ST18: variants seen among roughly 807,000 people sequenced by gnomAD.
ST18 encodes the protein ST18 C2H2C-type zinc finger transcription factor.
A neutral mutation model predicts 110.0 loss-of-function variants in ST18; 50 were observed. The ratio of observed to expected loss-of-function variants is 0.45; its 90% CI spans 0.36 to 0.58. The LOEUF is 0.58. Ranked by LOEUF, ST18 falls within the 20% of genes least tolerant of loss-of-function variation. The probability of loss-of-function intolerance (pLI) is 0.00; values close to 1 mark genes in which losing one functional copy is unlikely to be tolerated. For missense variants in ST18, 1,306 were observed against 1,280.1 expected, an observed-to-expected ratio of 1.02 and a Z score of -0.31; for synonymous variants, 461 against 452.4, an observed-to-expected ratio of 1.02 and a Z score of -0.24.
chr8:52,121,676 T>A (rs2044869723), intron 23 of ST18, among the ~76,000 whole-genome samples: 1 of 151,424 alleles, frequency 6.6e-6, no homozygotes, highest in South Asian at 2.1e-4. Context: ...GGTTCCAGAA[T>A]ATGTTCTTTT....
At chr8:52,385,782 T>C (rs138370464) in intron 2 of ST18, among the ~76,000 whole-genome samples, 1 of 152,160 alleles carries the variant, frequency 6.6e-6, no homozygotes, top group Non-Finnish European at 1.5e-5. Context: ...TAATCACTAT[T>C]TGCATGGATT....
chr8:52,111,013 G>A lies in ST18; in HGVS notation c.*2185C>T, dbSNP rs2040401118. On this transcript the variant is annotated 3_prime_UTR_variant, in exon 26 of 26. Coordinates refer to ENST00000689386, the MANE Select transcript of ST18 (RefSeq NM_001352837.2). ...TTGTTTACAAAAGACCCAATTTACA[G>A]TATTGATCATTAACATAGTTGAAAA... The A allele has an allele frequency of 2.5e-6, 1 of 398,668 alleles. No homozygotes were observed. Among genetic ancestry groups the A allele is most frequent in the East Asian group, 3.6e-5 (1 of 28,006 alleles). The allele number at this position is 398,668 out of a possible 1,614,324, so 24.7% of individuals were successfully genotyped here. A position where few individuals can be genotyped will look rare whatever the true frequency, so the allele number is the denominator to read the frequency against.
rs1229212754 is a variant in ST18, at chr8:52,381,977, A to AAC, written c.-465+27350_-465+27351insGT. ...AGCTATATGCTGCATTAAAAAACAA[A>AAC]AAAAAACAAAAAAACAAAGTTACAG... On this transcript the variant is annotated intron_variant, in intron 2 of 25. Transcript: ENST00000689386. 4.6e-4 allele frequency among the ~76,000 whole-genome samples: 69 copies of AAC among 151,086 alleles called. 2 individuals carry two copies. Among genetic ancestry groups the AAC allele is most frequent in the African/African-American group, 1.6e-3 (66 of 40,730 alleles).
At chr8:52,136,304 C>G (rs1278022068) in intron 19 of ST18, among the ~76,000 whole-genome samples, 1 of 152,178 alleles carries the variant, frequency 6.6e-6, no homozygotes, top group Non-Finnish European at 1.5e-5. Context: ...TGATTTAATA[C>G]ATAGACTGTG....
chr8:52,316,671 A>G (rs914639830), intron 2 of ST18, among the ~76,000 whole-genome samples: 4 of 152,240 alleles, frequency 2.6e-5, no homozygotes, highest in South Asian at 4.1e-4. Context: ...CTAAGTCACT[A>G]TCACCTATGT....
intron 2 of ST18, among the ~76,000 whole-genome samples, chr8:52,296,847 G>C (rs1001447393): frequency 3.9e-5 from 6 of 152,016 alleles, no homozygotes; most frequent in African/African-American, 1.5e-4. Context: ...GTCTAGTACA[G>C]GAACTAAGAC....
At chr8:52,304,003 G>A (rs940621087) in intron 2 of ST18, among the ~76,000 whole-genome samples, 3 of 152,142 alleles carry the variant, frequency 2.0e-5, no homozygotes, top group Admixed American at 2.0e-4. Context: ...TATTTGGGGT[G>A]GTGGGGCATC....
chr8:52,377,950 C>A (rs1833037435), intron 2 of ST18, among the ~76,000 whole-genome samples: 2 of 152,128 alleles, frequency 1.3e-5, no homozygotes, highest in Admixed American at 6.5e-5. Context: ...TTTGCAGCAA[C>A]ATGCATGGAA....
chr8:52,211,989 A>C, intron 8 of ST18, 90 bp downstream of exon 8: 2 of 1,415,428 alleles, frequency 1.4e-6, no homozygotes, highest in Non-Finnish European at 2.0e-6. Context: ...CTTCTGCTAA[A>C]AAAAGTATTC....
intron 2 of ST18, among the ~76,000 whole-genome samples, chr8:52,230,961 C>T (rs912636650): frequency 6.6e-6 from 1 of 152,080 alleles, no homozygotes; most frequent in African/African-American, 2.4e-5. Flanking sequence ...AAAACTCATA[C>T]TACAGAAAAA....
chr8:52,178,439 C>T (rs1258538655), intron 9 of ST18, among the ~76,000 whole-genome samples: 1 of 151,164 alleles, frequency 6.6e-6, no homozygotes, highest in East Asian at 1.9e-4. Context: ...CCAGCTTAGC[C>T]AACATAGTGA....
At chr8:52,288,762 A>T (rs927622993) in intron 2 of ST18, among the ~76,000 whole-genome samples, 10 of 152,176 alleles carry the variant, frequency 6.6e-5, no homozygotes, top group African/African-American at 2.4e-4. Flanking sequence ...AAACTTTAGG[A>T]GGATAAAGAT....
intron 2 of ST18, among the ~76,000 whole-genome samples, chr8:52,364,661 C>G (rs1229592709): frequency 6.6e-6 from 1 of 152,168 alleles, no homozygotes; most frequent in East Asian, 1.9e-4. Flanking sequence ...CACATTGTGG[C>G]TATTAAGCAA....
intron 2 of ST18, among the ~76,000 whole-genome samples, chr8:52,274,326 A>G (rs1355876702): frequency 6.6e-6 from 1 of 152,142 alleles, no homozygotes; most frequent in Non-Finnish European, 1.5e-5. Context: ...TGTAGATAAA[A>G]TGTTTTACGT....
intron 19 of ST18, among the ~76,000 whole-genome samples, chr8:52,135,680 T>G (rs116440648): frequency 0.013 from 1,995 of 152,086 alleles, 57 homozygotes; most frequent in African/African-American, 0.046. Context: ...GATTCCAAAT[T>G]TTCATATCTG....
chr8:52,121,469 A>C (rs1352222285), intron 23 of ST18, among the ~76,000 whole-genome samples: 1 of 152,204 alleles, frequency 6.6e-6, no homozygotes, highest in Non-Finnish European at 1.5e-5. Flanking sequence ...GTTTCCACAG[A>C]GTCGCTCATC....
intron 2 of ST18, among the ~76,000 whole-genome samples, chr8:52,333,334 G>T (rs1810498900): frequency 6.6e-6 from 1 of 151,206 alleles, no homozygotes; most frequent in Non-Finnish European, 1.5e-5. Context: ...GAAAAGACAA[G>T]CAGCTGAGAG....
intron 18 of ST18, among the ~76,000 whole-genome samples, 154 bp from the exon 19 acceptor site, chr8:52,136,812 G>A (rs372120143): frequency 9.3e-4 from 142 of 152,202 alleles, no homozygotes; most frequent in African/African-American, 3.2e-3. Context: ...TGCTCTTCTC[G>A]CCAGTCTGGG....
chr8:52,191,813 A>T (rs984565971), intron 8 of ST18, among the ~76,000 whole-genome samples: 1 of 152,202 alleles, frequency 6.6e-6, no homozygotes, highest in Admixed American at 6.5e-5. Context: ...CCATGGGCAA[A>T]GCGAAGAGCT....
Sources: gnomAD v4.1 joint callset for allele counts (sites outside exome capture counted in the v4.1 genomes callset) on GRCh38, gnomAD v4.1.1 for gene constraint, MANE v1.5 for transcripts, NCBI Gene and HGNC (gene_info 2026-07-23, HGNC 2026-07-21) for gene names.